Variants in PTPN21 observed in about 807,000 individuals in gnomAD.
The protein encoded by PTPN21 is tyrosine-protein phosphatase non-receptor type 21.
In PTPN21, 77 loss-of-function variants were observed where a neutral mutation model predicts 131.8. The ratio of observed to expected loss-of-function variants is 0.58; its 90% confidence interval spans 0.49 to 0.71. The LOEUF is 0.71. Among genes scored for constraint, PTPN21 ranks in the 30% least tolerant of loss-of-function variants. PTPN21 has a pLI of 0.00. For synonymous variants in PTPN21, 715 were observed against 621.3 expected (o/e 1.15, Z -2.24); for missense variants, 1,552 against 1,527.1 (o/e 1.02, Z -0.27).
At chr14:88,489,292 C>T (rs1333108583) in intron 10 of PTPN21, among the ~76,000 whole-genome samples, 2 of 152,050 alleles carry the variant, frequency 1.3e-5, no homozygotes, top group African/African-American at 2.4e-5. Flanking sequence ...CTTTCTTATA[C>T]GATGTAAGGG....
chr14:88,539,748 T>A (rs1433698868), intron 2 of PTPN21, among the ~76,000 whole-genome samples: 1 of 152,212 alleles, frequency 6.6e-6, no homozygotes, highest in Non-Finnish European at 1.5e-5. Flanking sequence ...TATAGCATCA[T>A]ACAGAGAAAT....
Position 88,541,796 on chromosome 14 carries a change from T to A in PTPN21, c.180+8442A>T, listed in dbSNP as rs140489672. Among the ~76,000 whole-genome samples, 699 of 152,346 alleles carry A rather than the reference T, an allele frequency of 4.6e-3. 7 individuals are homozygous for A. Among genetic ancestry groups the A allele is most frequent in the African/African-American group, 0.015 (644 of 41,580 alleles). On this transcript the variant is annotated intron_variant, in intron 2 of 18. Transcript: ENST00000556564. ...CAGAGGCAAATTATTATTTTTTAAT[T>A]ATGAAGGTCTTGAATTGTTCACAAA...
chr14:88,549,644 G>A (rs1341158953), intron 2 of PTPN21, among the ~76,000 whole-genome samples: 5 of 151,990 alleles, frequency 3.3e-5, no homozygotes, highest in Non-Finnish European at 7.4e-5. Flanking sequence ...TGTTGCCCAG[G>A]CTGGAGTGCA....
intron 2 of PTPN21, among the ~76,000 whole-genome samples, chr14:88,520,367 C>T (rs1033374696): frequency 6.6e-6 from 1 of 151,406 alleles, no homozygotes; most frequent in African/African-American, 2.4e-5. Context: ...GCTAAGACTG[C>T]ACCACTGCAC....
chr14:88,541,451 A>C (rs2078704304), intron 2 of PTPN21, among the ~76,000 whole-genome samples: 1 of 152,258 alleles, frequency 6.6e-6, no homozygotes, highest in African/African-American at 2.4e-5. Context: ...ATCTGACAAG[A>C]AGAATGATAC....
chr14:88,492,500 G>C (rs1372713575), intron 10 of PTPN21, among the ~76,000 whole-genome samples: 2 of 152,166 alleles, frequency 1.3e-5, no homozygotes, highest in Admixed American at 6.5e-5. Flanking sequence ...CACCAGACCA[G>C]CGATGGGGAC....
chr14:88,543,339 A>T (rs1158135478), intron 2 of PTPN21, among the ~76,000 whole-genome samples: 1 of 152,342 alleles, frequency 6.6e-6, no homozygotes, highest in East Asian at 1.9e-4. Context: ...TCAGGGAGCC[A>T]CTACAACTAG....
At chr14:88,483,833 T>C (rs1365671143) in intron 12 of PTPN21, among the ~76,000 whole-genome samples, 3 of 152,074 alleles carry the variant, frequency 2.0e-5, no homozygotes, top group African/African-American at 2.4e-5. Flanking sequence ...TCAGAAAAAC[T>C]ATCATATTCA....
intron 2 of PTPN21, among the ~76,000 whole-genome samples, chr14:88,548,320 T>C (rs2078812190): frequency 6.6e-6 from 1 of 152,224 alleles, no homozygotes; most frequent in Non-Finnish European, 1.5e-5. Context: ...CCTCATTGTG[T>C]GGCCCTTACA....
At chr14:88,523,115 C>T (rs750591416) in intron 2 of PTPN21, among the ~76,000 whole-genome samples, 1 of 152,006 alleles carries the variant, frequency 6.6e-6, no homozygotes, top group Non-Finnish European at 1.5e-5. Context: ...AGCATTACCC[C>T]AATACCAAAG....
chr14:88,525,019 G>A, intron 2 of PTPN21, among the ~76,000 whole-genome samples: 1 of 152,162 alleles, frequency 6.6e-6, no homozygotes, highest in Admixed American at 6.5e-5. Context: ...GAGGCAGGAG[G>A]ACTGCTTGAG....
intron 2 of PTPN21, among the ~76,000 whole-genome samples, chr14:88,528,170 T>C (rs1003779440): frequency 6.6e-6 from 1 of 152,200 alleles, no homozygotes; most frequent in East Asian, 1.9e-4. Context: ...GATTGTTTTT[T>C]CTAGTTCTGT....
chr14:88,518,226 CAAAAAAAA>C lies in PTPN21; in HGVS notation c.181-973_181-966del, dbSNP rs1172099704. 2.7e-4 allele frequency among the ~76,000 whole-genome samples: 3 copies of C among 11,068 alleles called. No homozygotes were observed. In the East Asian group the frequency reaches 0.015, roughly 56 times the overall value. 7.3% of individuals were successfully genotyped at this position (11,068 alleles called of 152,430 possible). ...TGGGCAACAGAGTGAGAATCTACCT[CAAAAAAAA>C]AAAAAAAAAAAAAAAAAAAAAATAT... is the stretch of plus-strand genomic sequence containing the variant. On this transcript the variant is annotated intron_variant, in intron 2 of 18. Coordinates refer to ENST00000556564, the MANE Select transcript of PTPN21 (RefSeq NM_007039.4).
At chr14:88,519,812 C>T (rs1014907582) in intron 2 of PTPN21, among the ~76,000 whole-genome samples, 1 of 152,176 alleles carries the variant, frequency 6.6e-6, no homozygotes, top group Non-Finnish European at 1.5e-5. Context: ...CCACCCAAGT[C>T]ATCACACAAG....
chr14:88,518,386 GTATATATATATATATATATA>G (rs71126987), intron 2 of PTPN21, among the ~76,000 whole-genome samples: 1 of 9,706 alleles, frequency 1.0e-4, no homozygotes, highest in South Asian at 5.3e-3. Flanking sequence ...GTGTGTGTGT[GTATATATATATATATATATA>G]TATATATATT....
intron 8 of PTPN21, 45 bp from the exon 9 acceptor site, chr14:88,497,335 G>A: frequency 7.0e-7 from 1 of 1,438,216 alleles, no homozygotes; most frequent in Non-Finnish European, 9.8e-7. Context: ...GTGCCCATGG[G>A]GGAAACAAGG....
At position 88,479,541 on chromosome 14, in the gene PTPN21, C is replaced by A. The variant is rs763843116; in HGVS notation, c.1890G>T (p.Ala630=). 11 of 1,599,444 alleles carry A rather than the reference C, an allele frequency of 6.9e-6. No individual in the cohort carries two copies. In the African/African-American group the frequency reaches 1.3e-4, roughly 19 times the overall value. ...CGATGCTGTTCCGTTTGTGCAGCTG[C>A]GCGTGGCGCGCGGCGGTGAGGGGCT... The part of the protein sequence containing the change: ...VSEPLTAARH[A]QLHKRNSIEV... The change falls in exon 13 of 19, where the codon GCG becomes GCT. Residue 630 remains alanine (A), a synonymous_variant. Coordinates refer to ENST00000556564, the MANE Select transcript of PTPN21 (RefSeq NM_007039.4).
chr14:88,498,209 G>C (rs2077954110), intron 8 of PTPN21, among the ~76,000 whole-genome samples: 1 of 151,904 alleles, frequency 6.6e-6, no homozygotes, highest in South Asian at 2.1e-4. Flanking sequence ...CTGGGAGGCA[G>C]AAGTTGCAGT....
intron 15 of PTPN21, chr14:88,470,355 G>C (rs2077441844): frequency 8.9e-6 from 3 of 338,094 alleles, no homozygotes; most frequent in East Asian, 1.4e-4. Flanking sequence ...CCGTCATAGG[G>C]TCATTGTGAG....
Sources: allele counts gnomAD v4.1 joint callset (sites outside exome capture counted in the v4.1 genomes callset), GRCh38; gene constraint gnomAD v4.1.1; transcripts MANE v1.5; gene names NCBI Gene and HGNC (gene_info 2026-07-23, HGNC 2026-07-21).